The following KIAA1549L variants were observed in gnomAD, a reference collection of about 807,000 sequenced individuals.
KIAA1549L encodes UPF0606 protein KIAA1549L.
KIAA1549L carries 88 observed loss-of-function variants against 160.7 expected under a neutral mutation model. That is an observed-to-expected ratio of 0.55 (90% CI 0.46 to 0.65). The LOEUF (loss-of-function observed/expected upper bound fraction) is 0.65, where lower values mean the gene tolerates loss of function less well. Among genes scored for constraint, KIAA1549L ranks in the 30% least tolerant of loss-of-function variants. KIAA1549L has a pLI of 0.00. For synonymous variants in KIAA1549L, 950 were observed against 976.7 expected (o/e 0.97, Z 0.51); for missense variants, 2,258 against 2,437.5 (o/e 0.93, Z 1.55).
chr11:33,441,368 C>A (rs1371303415), intron 1 of KIAA1549L, among the ~76,000 whole-genome samples: 2 of 151,704 alleles, frequency 1.3e-5, no homozygotes, highest in African/African-American at 2.4e-5. Flanking sequence ...GTGAATAGTG[C>A]CGCAATAAAC....
intron 1 of KIAA1549L, among the ~76,000 whole-genome samples, chr11:33,517,402 C>G (rs1318608508): frequency 6.6e-6 from 1 of 152,140 alleles, no homozygotes; most frequent in African/African-American, 2.4e-5. Flanking sequence ...TGAAGGGAAA[C>G]TTGCCAAGAT....
intron 1 of KIAA1549L, among the ~76,000 whole-genome samples, chr11:33,412,565 A>ATAG (rs1201210783): frequency 2.6e-5 from 4 of 152,172 alleles, no homozygotes; most frequent in Non-Finnish European, 4.4e-5. Context: ...CAGTGATAGC[A>ATAG]TAGTAGAGTC....
In KIAA1549L at chr11:33,567,749, G is replaced by A. The variant is rs140760523; in HGVS notation, c.4079-327G>A. 1.8e-4 allele frequency among the ~76,000 whole-genome samples: 28 copies of A among 152,286 alleles called. 1 individual carries two copies. Among genetic ancestry groups the A allele is most frequent in the African/African-American group, 5.3e-4 (22 of 41,548 alleles). ...CTTAGGTGAAGTCTGAGTTAAATAC[G>A]GCAGCATTCGCAGTGTCACAGTTCA... is the stretch of plus-strand genomic sequence containing the variant. On this transcript the variant is annotated intron_variant, in intron 8 of 20. Transcript: ENST00000658780.
intron 1 of KIAA1549L, among the ~76,000 whole-genome samples, chr11:33,465,306 G>A (rs1369489186): frequency 1.3e-5 from 2 of 151,902 alleles, no homozygotes; most frequent in Non-Finnish European, 2.9e-5. Flanking sequence ...CATCTGCCTC[G>A]GCCTCCTAAA....
intron 15 of KIAA1549L, among the ~76,000 whole-genome samples, chr11:33,617,789 G>GGATGGATGGATGGA (rs1564926409): frequency 0.02 from 2,909 of 149,020 alleles, 100 homozygotes; most frequent in African/African-American, 0.069. Context: ...GGAAGCCTCG[G>GGATGGATGGATGGA]TGGATGGATG....
chr11:33,582,844 T>A (rs1855686905), intron 10 of KIAA1549L, among the ~76,000 whole-genome samples: 1 of 152,212 alleles, frequency 6.6e-6, no homozygotes. Flanking sequence ...CTGGGGGAGA[T>A]CCATCTGCTC....
intron 1 of KIAA1549L, among the ~76,000 whole-genome samples, chr11:33,516,105 C>T (rs1853338289): frequency 6.6e-6 from 1 of 150,392 alleles, no homozygotes; most frequent in Admixed American, 6.7e-5. Flanking sequence ...TCATAACAGT[C>T]TAGGCAGCCA....
At position 33,668,105 on chromosome 11, in the gene KIAA1549L, T is replaced by C; in HGVS notation, c.6392T>C (p.Val2131Ala). 6.2e-7 allele frequency: 1 copy of C among 1,613,856 alleles called. No individual in the cohort carries two copies. The highest frequency in any genetic ancestry group is 8.5e-7 in the Non-Finnish European group (1 of 1,179,870). ...AALVKAIREE[V>A]AKLAKKQTDM... ...CTTGTGAAGGCCATCCGGGAGGAGG[T>C]GGCCAAGCTGGCCAAAAAACAGACA... is the stretch of plus-strand genomic sequence containing the variant. The change falls in exon 21 of 21, where the codon GTG (valine) becomes GCG (alanine). Residue 2131 changes from valine to alanine, a missense_variant. Val to Ala is a moderately conservative substitution (Grantham distance 64). Around this residue, in one of 6 missense-constraint regions of KIAA1549L, gnomAD observed 1,359 missense variants for 1,546.6 expected, o/e 0.88. Transcript: ENST00000658780.
At chr11:33,620,041 G>A (rs1388409506) in intron 16 of KIAA1549L, among the ~76,000 whole-genome samples, 1 of 152,186 alleles carries the variant, frequency 6.6e-6, no homozygotes, top group Non-Finnish European at 1.5e-5. Flanking sequence ...TTTTTAGTGA[G>A]ATTGTAGGCA....
In KIAA1549L at chr11:33,660,860, C is replaced by T. The variant is rs766510467; in HGVS notation, c.6008-3C>T. 2 of 1,613,428 alleles carry T rather than the reference C, an allele frequency of 1.2e-6. No individual in the cohort carries two copies. The highest frequency in any genetic ancestry group is 1.6e-4 in the Middle Eastern group (1 of 6,084). On this transcript the variant is annotated splice_polypyrimidine_tract_variant and splice_region_variant and intron_variant, in intron 19 of 20. Coordinates refer to ENST00000658780, the MANE Select transcript of KIAA1549L (RefSeq NM_012194.3). ...CCTCCCTCCTCCATTTCCTCCATGC[C>T]AGGTAATACGGTGCCAGCAGTGTTC...
chr11:33,602,238 A>C (rs1850384524), intron 13 of KIAA1549L, among the ~76,000 whole-genome samples: 1 of 152,136 alleles, frequency 6.6e-6, no homozygotes, highest in African/African-American at 2.4e-5. Context: ...GCAGGCAAAG[A>C]ATTAGAAAGT....
chr11:33,614,531 GATATATATATATATATAT>G (rs780446812), intron 15 of KIAA1549L, among the ~76,000 whole-genome samples: 673 of 27,096 alleles, frequency 0.025, 136 homozygotes, highest in Middle Eastern at 0.075. Flanking sequence ...AGTGTAACAA[GATATATATATATATATAT>G]ATATATATAT....
intron 16 of KIAA1549L, among the ~76,000 whole-genome samples, chr11:33,630,522 G>A (rs895139047): frequency 3.9e-5 from 6 of 152,258 alleles, no homozygotes; most frequent in African/African-American, 1.2e-4. Context: ...CGCAGTATTC[G>A]GGTGGGAGTG....
intron 12 of KIAA1549L, among the ~76,000 whole-genome samples, chr11:33,594,585 A>G (rs1352522993): frequency 6.6e-6 from 1 of 152,188 alleles, no homozygotes; most frequent in African/African-American, 2.4e-5. Context: ...AAAAACAAAA[A>G]ACACCCAAAG....
In KIAA1549L at chr11:33,542,495, G is replaced by T. The variant is rs756284803; in HGVS notation, c.932G>T (p.Gly311Val). The T allele has an allele frequency of 1.1e-5, 18 of 1,613,390 alleles. No individual in the cohort carries two copies. Among genetic ancestry groups the T allele is most frequent in the Non-Finnish European group, 1.5e-5 (18 of 1,179,496 alleles). Residue 311 changes from glycine (G) to valine (V), a missense_variant, in exon 2 of 21, where the codon GGC (glycine) becomes GTC (valine). Transcript: ENST00000658780. ...TASQNAQDLIGIPHLGVSGSS... is the reference protein window; with the variant it reads ...TASQNAQDLIVIPHLGVSGSS... ...TCCCAAAATGCCCAGGATCTCATAG[G>T]CATCCCTCATCTAGGTGTTTCTGGA...
intron 8 of KIAA1549L, 32 bp from the exon 9 acceptor site, chr11:33,568,044 C>G: frequency 6.4e-7 from 1 of 1,564,894 alleles, no homozygotes; most frequent in Non-Finnish European, 8.7e-7. Flanking sequence ...AGTCTGCCTT[C>G]TGAGCCTCTG....
chr11:33,420,924 G>T (rs933586398), intron 1 of KIAA1549L, among the ~76,000 whole-genome samples: 1 of 152,166 alleles, frequency 6.6e-6, no homozygotes, highest in Non-Finnish European at 1.5e-5. Context: ...ATTCTCGATG[G>T]ATGGAACCCA....
intron 1 of KIAA1549L, among the ~76,000 whole-genome samples, chr11:33,502,656 C>G (rs1408572617): frequency 6.6e-6 from 1 of 152,146 alleles, no homozygotes; most frequent in Non-Finnish European, 1.5e-5. Context: ...ACAGGTATAT[C>G]AAAGAAATTG....
At chr11:33,490,291 G>A (rs1049324865) in intron 1 of KIAA1549L, among the ~76,000 whole-genome samples, 2 of 150,736 alleles carry the variant, frequency 1.3e-5, no homozygotes, top group African/African-American at 4.9e-5. Flanking sequence ...TCTGAGTGTA[G>A]TATGGAAGTT....
Sources: allele counts gnomAD v4.1 joint callset (sites outside exome capture counted in the v4.1 genomes callset), GRCh38; gene constraint gnomAD v4.1.1; regional missense constraint gnomAD v4.1.1; transcripts MANE v1.5; gene names NCBI Gene and HGNC (gene_info 2026-07-23, HGNC 2026-07-21).